Variants in SHANK2 observed in about 807,000 individuals in gnomAD.
The protein encoded by SHANK2 is SH3 and multiple ankyrin repeat domains 2.
Under a neutral mutation model 133.7 loss-of-function variants are expected in SHANK2, and 43 were observed. The observed-to-expected ratio is 0.32, with a 90% confidence interval of 0.25 to 0.41. The LOEUF (loss-of-function observed/expected upper bound fraction) is 0.41. Among genes scored for constraint, SHANK2 ranks in the 10% least tolerant of loss-of-function variants. SHANK2 has a pLI of 1.00. For synonymous variants in SHANK2, 1,017 were observed against 952.8 expected, an observed-to-expected ratio of 1.07 and a Z score of -1.24; for missense variants, 1,994 against 2,235.8, an observed-to-expected ratio of 0.89 and a Z score of 2.18.
chr11:70,762,753 C>G (rs1555040508), intron 14 of SHANK2, among the ~76,000 whole-genome samples: 1 of 152,226 alleles, frequency 6.6e-6, no homozygotes, highest in African/African-American at 2.4e-5. Flanking sequence ...CCACACTGAC[C>G]TGGAGAGGCA....
chr11:70,875,685 GTC>G (rs1217708814), intron 11 of SHANK2, among the ~76,000 whole-genome samples: 1 of 151,928 alleles, frequency 6.6e-6, no homozygotes, highest in African/African-American at 2.4e-5. Flanking sequence ...TGAAAGCCCC[GTC>G]TCTACAAAAA....
At chr11:70,939,165 G>A (rs1046665539) in intron 10 of SHANK2, among the ~76,000 whole-genome samples, 2 of 152,158 alleles carry the variant, frequency 1.3e-5, no homozygotes, top group African/African-American at 2.4e-5. Flanking sequence ...CCGGGGCTTT[G>A]GGTTTTGCTG....
chr11:70,632,179 T>C (rs1256403071), intron 17 of SHANK2, among the ~76,000 whole-genome samples: 2 of 152,182 alleles, frequency 1.3e-5, no homozygotes, highest in African/African-American at 4.8e-5. Flanking sequence ...TGGAGTGCAG[T>C]GGCGCGATCT....
At chr11:71,111,662 A>G (rs73521160) in intron 5 of SHANK2, among the ~76,000 whole-genome samples, 4,241 of 152,076 alleles carry the variant, frequency 0.028, 191 homozygotes, top group African/African-American at 0.097. Flanking sequence ...GGGCCCTTCA[A>G]CCTCCTGGCA....
At chr11:70,616,682 G>A (rs1416115917) in intron 17 of SHANK2, among the ~76,000 whole-genome samples, 1 of 152,154 alleles carries the variant, frequency 6.6e-6, no homozygotes, top group African/African-American at 2.4e-5. Context: ...GGGGTGTGGG[G>A]GGATCTGAGG....
At chr11:70,495,367 G>A (rs2058954520) in intron 21 of SHANK2, among the ~76,000 whole-genome samples, 2 of 152,226 alleles carry the variant, frequency 1.3e-5, no homozygotes, top group African/African-American at 2.4e-5. Context: ...TGGCCTCGCC[G>A]ATCAGCTGGG....
At chr11:70,591,695 CA>C (rs1418185556) in intron 17 of SHANK2, among the ~76,000 whole-genome samples, 2 of 152,178 alleles carry the variant, frequency 1.3e-5, no homozygotes, top group African/African-American at 4.8e-5. Flanking sequence ...ACCTGAGCTA[CA>C]CTGATCTCCT....
At chr11:71,203,762 A>T (rs929564781) in intron 2 of SHANK2, among the ~76,000 whole-genome samples, 28 of 152,310 alleles carry the variant, frequency 1.8e-4, no homozygotes, top group African/African-American at 5.1e-4. Context: ...TGGGGACCCC[A>T]GGCCACATGG....
chr11:70,537,604 G>A (rs1328830488), intron 17 of SHANK2, among the ~76,000 whole-genome samples: 2 of 152,244 alleles, frequency 1.3e-5, no homozygotes, highest in African/African-American at 2.4e-5. Flanking sequence ...CTGTGAGGCT[G>A]CTGTCTGACT....
At chr11:70,765,419 C>T (rs531157544) in intron 14 of SHANK2, among the ~76,000 whole-genome samples, 2 of 152,246 alleles carry the variant, frequency 1.3e-5, no homozygotes, top group African/African-American at 4.8e-5. Flanking sequence ...CTGGTGCTGC[C>T]GGTGACCACC....
intron 2 of SHANK2, among the ~76,000 whole-genome samples, chr11:71,201,500 C>T (rs1215446518): frequency 6.6e-6 from 1 of 152,224 alleles, no homozygotes; most frequent in African/African-American, 2.4e-5. Context: ...ACTCACTTGG[C>T]CACAGACGGC....
intron 17 of SHANK2, among the ~76,000 whole-genome samples, chr11:70,644,569 A>T (rs760357036): frequency 1.2e-4 from 18 of 152,250 alleles, no homozygotes; most frequent in Non-Finnish European, 2.2e-4. Context: ...CAGGACCAGC[A>T]GCCCTCCCGC....
Position 71,059,403 on chromosome 11 carries a change from ATGG to A in SHANK2, c.1030-2848_1030-2846del, listed in dbSNP as rs1424307702. Among the ~76,000 whole-genome samples, 20 of 152,132 alleles carry A rather than the reference ATGG, an allele frequency of 1.3e-4. No individual in the cohort carries two copies. In the East Asian group the frequency reaches 1.7e-3, roughly 13 times the overall value. On this transcript the variant is annotated intron_variant, in intron 9 of 25. Transcript: ENST00000601538. ...TGATGGTTGACGGTGGTGATGGTTGATGGTGGTGATGGCTGCACAACTCTGTGG... is the reference window on the plus strand; with the variant it reads ...TGATGGTTGACGGTGGTGATGGTTGATGGTGATGGCTGCACAACTCTGTGG...
chr11:70,785,323 G>T (rs781842172), intron 14 of SHANK2, among the ~76,000 whole-genome samples: 7 of 152,180 alleles, frequency 4.6e-5, no homozygotes, highest in Non-Finnish European at 1.0e-4. Flanking sequence ...GGTGACCCGA[G>T]GGGGAGGGGC....
intron 2 of SHANK2, among the ~76,000 whole-genome samples, chr11:71,214,411 C>G (rs1326069660): frequency 6.6e-6 from 1 of 152,210 alleles, no homozygotes; most frequent in South Asian, 2.1e-4. Flanking sequence ...GACACCCTCC[C>G]TTCTTTTCCA....
chr11:70,517,257 G>A (rs2059277441), intron 17 of SHANK2, among the ~76,000 whole-genome samples: 1 of 152,156 alleles, frequency 6.6e-6, no homozygotes, highest in Non-Finnish European at 1.5e-5. Flanking sequence ...AATGCTTATC[G>A]TTGCTGGTGG....
chr11:70,577,342 G>A (rs1388767468), intron 17 of SHANK2, among the ~76,000 whole-genome samples: 5 of 152,202 alleles, frequency 3.3e-5, no homozygotes, highest in Non-Finnish European at 4.4e-5. Context: ...TGTGGAGAGT[G>A]AGGAGGGCCG....
chr11:71,220,389 T>TA (rs1194096938), intron 2 of SHANK2, among the ~76,000 whole-genome samples: 3 of 152,152 alleles, frequency 2.0e-5, no homozygotes, highest in South Asian at 2.1e-4. Context: ...AAACTAAACA[T>TA]AAAAAACCAT....
At chr11:70,719,031 CAG>C (rs1304742783) in intron 14 of SHANK2, among the ~76,000 whole-genome samples, 1 of 152,214 alleles carries the variant, frequency 6.6e-6, no homozygotes, top group Admixed American at 6.5e-5. Context: ...GCCTGGCATA[CAG>C]TAGGCACGCA....
Sources: allele counts gnomAD v4.1 joint callset (sites outside exome capture counted in the v4.1 genomes callset), GRCh38; gene constraint gnomAD v4.1.1; transcripts MANE v1.5; gene names NCBI Gene and HGNC (gene_info 2026-07-23, HGNC 2026-07-21).